LDLRAD4: variants seen among roughly 807,000 people sequenced by gnomAD.
The protein encoded by LDLRAD4 is low density lipoprotein receptor class A domain containing 4.
LDLRAD4 carries 5 observed loss-of-function variants against 17.0 expected under a neutral mutation model. The ratio of observed to expected loss-of-function variants is 0.29; its 90% CI spans 0.15 to 0.62. LDLRAD4 has a LOEUF of 0.62. Among genes scored for constraint, LDLRAD4 ranks in the 20% least tolerant of loss-of-function variants. The pLI, the probability that LDLRAD4 is intolerant of heterozygous loss-of-function variation, is 0.84. For missense variants in LDLRAD4, 340 were observed against 424.7 expected (o/e 0.80, Z 1.75); for synonymous variants, 168 against 171.8 (o/e 0.98, Z 0.17).
At chr18:13,641,427 A>C (rs1466989533) in intron 4 of LDLRAD4, among the ~76,000 whole-genome samples, 1 of 152,248 alleles carries the variant, frequency 6.6e-6, no homozygotes, top group African/African-American at 2.4e-5. Flanking sequence ...GATTAGATGG[A>C]TGAATGAATA....
chr18:13,509,251 CTG>C (rs979174999), intron 3 of LDLRAD4, among the ~76,000 whole-genome samples: 182 of 152,320 alleles, frequency 1.2e-3, no homozygotes, highest in African/African-American at 4.1e-3. Flanking sequence ...GAGGTCGAGA[CTG>C]GAGTCAGCCA....
chr18:13,386,917 TA>T (rs1599844443), intron 1 of LDLRAD4, among the ~76,000 whole-genome samples: 7 of 47,780 alleles, frequency 1.5e-4, no homozygotes, highest in Non-Finnish European at 3.2e-4. Context: ...GATAGATAGA[TA>T]GATAGATAGA....
chr18:13,256,443 A>C (rs1284252467), intron 1 of LDLRAD4, among the ~76,000 whole-genome samples: 2 of 152,220 alleles, frequency 1.3e-5, no homozygotes, highest in Non-Finnish European at 2.9e-5. Flanking sequence ...TCCCCCCATC[A>C]AAATCTGCCT....
At chr18:13,642,733 T>G (rs1231473636) in intron 4 of LDLRAD4, 1 of 1,231,374 alleles carries the variant, frequency 8.1e-7, no homozygotes, top group African/African-American at 1.6e-5. Context: ...TGGACAGTCA[T>G]CTTGAATGTA....
intron 3 of LDLRAD4, among the ~76,000 whole-genome samples, chr18:13,477,493 A>G (rs2092972228): frequency 6.6e-6 from 1 of 152,222 alleles, no homozygotes; most frequent in Non-Finnish European, 1.5e-5. Flanking sequence ...GTACTGGCAG[A>G]AGCCCAAGCG....
intron 2 of LDLRAD4, among the ~76,000 whole-genome samples, chr18:13,409,320 G>T (rs1024785638): frequency 2.0e-5 from 3 of 152,154 alleles, no homozygotes; most frequent in Admixed American, 1.3e-4. Flanking sequence ...AGATGTGTGG[G>T]GGCCCCCTTG....
intron 3 of LDLRAD4, among the ~76,000 whole-genome samples, chr18:13,610,766 T>C (rs2039477633): frequency 6.6e-6 from 1 of 152,106 alleles, no homozygotes; most frequent in African/African-American, 2.4e-5. Flanking sequence ...GAGGGGCGGC[T>C]TGAAGTGGCT....
chr18:13,377,207 C>T (rs1487668544), intron 1 of LDLRAD4, among the ~76,000 whole-genome samples: 5 of 152,242 alleles, frequency 3.3e-5, no homozygotes, highest in African/African-American at 1.2e-4. Context: ...AACGCCAGAG[C>T]CATCCTCTGA....
At chr18:13,426,151 G>A (rs2089916858) in intron 2 of LDLRAD4, 1 of 152,600 alleles carries the variant, frequency 6.6e-6, no homozygotes, top group South Asian at 2.1e-4. Flanking sequence ...ATTTTGGAAG[G>A]TAGGGGATTT....
intron 3 of LDLRAD4, among the ~76,000 whole-genome samples, chr18:13,499,512 C>T (rs569930586): frequency 1.4e-3 from 215 of 150,154 alleles, no homozygotes; most frequent in African/African-American, 4.9e-3. Flanking sequence ...TCTTGCCACA[C>T]ACGTCCCGCC....
intron 1 of LDLRAD4, chr18:13,240,126 A>G (rs1383722904): frequency 1.3e-5 from 2 of 152,254 alleles, no homozygotes; most frequent in Non-Finnish European, 2.9e-5. Context: ...TAACTAGGCC[A>G]GCATTCTGAA....
At chr18:13,331,680 C>A (rs1298199418) in intron 1 of LDLRAD4, among the ~76,000 whole-genome samples, 1 of 152,070 alleles carries the variant, frequency 6.6e-6, no homozygotes, top group Admixed American at 6.6e-5. Flanking sequence ...TATGTTTTGC[C>A]CTTAATGTTG....
At chr18:13,590,811 G>A (rs1194045016) in intron 3 of LDLRAD4, among the ~76,000 whole-genome samples, 1 of 152,182 alleles carries the variant, frequency 6.6e-6, no homozygotes, top group Admixed American at 6.5e-5. Flanking sequence ...CTTTACATTT[G>A]TAAAGCATCT....
intron 3 of LDLRAD4, chr18:13,520,340 T>A (rs1343425475): frequency 6.6e-6 from 1 of 152,226 alleles, no homozygotes; most frequent in African/African-American, 2.4e-5. Context: ...AGAATAACCA[T>A]CACCCTAGAC....
upstream of LDLRAD4, among the ~76,000 whole-genome samples, chr18:13,276,835 G>C (rs141939251): frequency 1.3e-5 from 2 of 152,284 alleles, no homozygotes; most frequent in East Asian, 3.9e-4. Flanking sequence ...AGTTGTACAG[G>C]GTGTAAGCAA....
Position 13,382,394 on chromosome 18 carries a change from T to C in LDLRAD4, c.-382-4947T>C, listed in dbSNP as rs575610443. On this transcript the variant is annotated intron_variant, in intron 1 of 5. Coordinates refer to ENST00000359446, the Ensembl canonical transcript of LDLRAD4. ...TTGTGAATAACTGGTAAGGCAGACA[T>C]ACCCTGTAACTTACTTGGTTAGGTT... is the stretch of plus-strand genomic sequence containing the variant. 2.6e-5 allele frequency among the ~76,000 whole-genome samples: 4 copies of C among 152,350 alleles called. No individual in the cohort carries two copies. In the East Asian group the frequency reaches 7.7e-4, roughly 29 times the overall value.
intron 3 of LDLRAD4, among the ~76,000 whole-genome samples, chr18:13,554,050 C>T (rs1210976536): frequency 1.3e-5 from 2 of 152,018 alleles, no homozygotes; most frequent in Non-Finnish European, 2.9e-5. Context: ...TCACATGATC[C>T]CACTTTTGTC....
intron 3 of LDLRAD4, among the ~76,000 whole-genome samples, chr18:13,468,850 T>G (rs1600583951): frequency 1.4e-5 from 1 of 69,216 alleles, no homozygotes; most frequent in Non-Finnish European, 2.6e-5. Flanking sequence ...GGGCCTGTTG[T>G]GGGGTGGGGG....
intron 1 of LDLRAD4, among the ~76,000 whole-genome samples, chr18:13,272,053 G>C (rs1176730500): frequency 6.6e-6 from 1 of 152,058 alleles, no homozygotes; most frequent in East Asian, 1.9e-4. Context: ...ATGCCACCAT[G>C]CCTAGCTAAT....
Sources: gnomAD v4.1 joint callset for allele counts (sites outside exome capture counted in the v4.1 genomes callset) on GRCh38, gnomAD v4.1.1 for gene constraint, MANE v1.5 for transcripts, NCBI Gene and HGNC (gene_info 2026-07-23, HGNC 2026-07-21) for gene names.